Variants in HS6ST2 observed in about 807,000 individuals in gnomAD.
HS6ST2 encodes heparan-sulfate 6-O-sulfotransferase 2.
HS6ST2 carries 17 observed loss-of-function variants against 33.0 expected under a neutral mutation model. That is an observed-to-expected ratio of 0.52 (90% CI 0.35 to 0.77). The LOEUF (loss-of-function observed/expected upper bound fraction) is 0.77, where lower values mean the gene tolerates loss of function less well. Among genes scored for constraint, HS6ST2 ranks in the 30% least tolerant of loss-of-function variants. The pLI is 0.01. For missense variants in HS6ST2, 519 were observed against 551.7 expected (o/e 0.94, Z 0.59); for synonymous variants, 248 against 237.1 (o/e 1.05, Z -0.42).
intron 3 of HS6ST2, among the ~76,000 whole-genome samples, chrX:132,705,218 C>G (rs868641799): frequency 1.1e-5 from 1 of 88,467 alleles, no homozygotes; most frequent in East Asian, 3.6e-4. Context: ...TGTGTGTGTA[C>G]GTGTGGAAAA....
chrX:132,662,854 G>C (rs918655828), intron 4 of HS6ST2, among the ~76,000 whole-genome samples: 1 of 111,498 alleles, frequency 9.0e-6, no homozygotes, highest in Non-Finnish European at 1.9e-5. Context: ...TATGGTGCTG[G>C]GGCTTTTGCT....
intron 2 of HS6ST2, among the ~76,000 whole-genome samples, chrX:132,879,111 A>C (rs1166324939): frequency 8.9e-6 from 1 of 112,131 alleles, no homozygotes; most frequent in African/African-American, 3.2e-5. Context: ...ATGTTGAATT[A>C]GCAAGTTGGA....
intron 2 of HS6ST2, among the ~76,000 whole-genome samples, chrX:132,729,056 C>G (rs1416421490): frequency 8.9e-6 from 1 of 112,122 alleles, no homozygotes; most frequent in Non-Finnish European, 1.9e-5. Context: ...AAGACTGTCA[C>G]TGTCAAGATG....
intron 4 of HS6ST2, among the ~76,000 whole-genome samples, chrX:132,637,924 A>ATTATTT (rs758351267): frequency 3.3e-5 from 2 of 60,490 alleles, no homozygotes; most frequent in African/African-American, 1.4e-4. Flanking sequence ...TATTTTATAT[A>ATTATTT]TATATTATAT....
At chrX:132,729,701 A>T (rs1341474114) in intron 2 of HS6ST2, among the ~76,000 whole-genome samples, 1 of 111,971 alleles carries the variant, frequency 8.9e-6, no homozygotes, top group Non-Finnish European at 1.9e-5. Context: ...TTTTAATAAA[A>T]ATATGTTAAT....
At chrX:132,880,924 G>C (rs962681932) in intron 2 of HS6ST2, among the ~76,000 whole-genome samples, 2 of 109,520 alleles carry the variant, frequency 1.8e-5, no homozygotes, top group African/African-American at 6.6e-5. Context: ...ATGGTTTCCA[G>C]CTTCATCCAT....
At chrX:132,920,364 C>T (rs188320909) in intron 2 of HS6ST2, among the ~76,000 whole-genome samples, 164 of 110,715 alleles carry the variant, frequency 1.5e-3, no homozygotes, top group African/African-American at 5.1e-3. Flanking sequence ...ACAGTATCAT[C>T]GATGCTTACA....
chrX:132,838,416 C>T (rs969834924), intron 2 of HS6ST2, among the ~76,000 whole-genome samples: 20 of 111,673 alleles, frequency 1.8e-4, no homozygotes, highest in African/African-American at 5.9e-4. Context: ...GTGAAGGGAG[C>T]TATGAGATCT....
At chrX:132,750,024 C>T (rs931713422) in intron 2 of HS6ST2, among the ~76,000 whole-genome samples, 1 of 110,333 alleles carries the variant, frequency 9.1e-6, no homozygotes, top group Non-Finnish European at 1.9e-5. Flanking sequence ...CAGTGTGTTT[C>T]AGAAACAAAG....
chrX:132,708,918 G>C (rs1279968767), intron 2 of HS6ST2, among the ~76,000 whole-genome samples: 1 of 112,479 alleles, frequency 8.9e-6, no homozygotes, highest in Non-Finnish European at 1.9e-5. Flanking sequence ...AATTGGCAGG[G>C]ATTTTTCATA....
At chrX:132,763,038 T>G (rs779059300) in intron 2 of HS6ST2, among the ~76,000 whole-genome samples, 2 of 111,927 alleles carry the variant, frequency 1.8e-5, no homozygotes, top group East Asian at 5.6e-4. Flanking sequence ...AAGATTAAAT[T>G]AAAATTATGT....
At chrX:132,931,229 A>C (rs1343095086) in intron 2 of HS6ST2, among the ~76,000 whole-genome samples, 1 of 111,540 alleles carries the variant, frequency 9.0e-6, no homozygotes, top group Non-Finnish European at 1.9e-5. Flanking sequence ...GTGTGGACAA[A>C]AAGAGGAGAT....
At chrX:132,846,773 A>G (rs1194165583) in intron 2 of HS6ST2, among the ~76,000 whole-genome samples, 1 of 110,645 alleles carries the variant, frequency 9.0e-6, no homozygotes, top group Non-Finnish European at 1.9e-5. Context: ...GTGCTTGGCT[A>G]AACTCTCTCT....
At chrX:132,909,110 A>G (rs781200428) in intron 2 of HS6ST2, among the ~76,000 whole-genome samples, 1 of 110,611 alleles carries the variant, frequency 9.0e-6, no homozygotes, top group African/African-American at 3.3e-5. Flanking sequence ...CCAGGCTGTC[A>G]TTTCTGATTA....
At chrX:132,716,429 C>T (rs1323172678) in intron 2 of HS6ST2, among the ~76,000 whole-genome samples, 2 of 111,868 alleles carry the variant, frequency 1.8e-5, no homozygotes, top group East Asian at 5.6e-4. Flanking sequence ...AATTGAAGGC[C>T]ATAAAATAAA....
intron 4 of HS6ST2, among the ~76,000 whole-genome samples, chrX:132,663,066 A>G (rs2063785246): frequency 1.8e-5 from 2 of 112,045 alleles, no homozygotes; most frequent in South Asian, 7.5e-4. Flanking sequence ...ATGACATTTA[A>G]TCCTCACCAA....
At chrX:132,908,108 G>C in intron 2 of HS6ST2, among the ~76,000 whole-genome samples, 1 of 112,056 alleles carries the variant, frequency 8.9e-6, no homozygotes, top group South Asian at 3.7e-4. Context: ...CAAAGAATCT[G>C]AATAGATATT....
chrX:132,791,268 T>C (rs1358034928), intron 2 of HS6ST2, among the ~76,000 whole-genome samples: 1 of 112,417 alleles, frequency 8.9e-6, no homozygotes, highest in Admixed American at 9.5e-5. Flanking sequence ...GGAACCACCC[T>C]CAGAAAACTT....
At chrX:132,835,122 C>G (rs926597473) in intron 2 of HS6ST2, among the ~76,000 whole-genome samples, 1 of 111,960 alleles carries the variant, frequency 8.9e-6, no homozygotes, top group African/African-American at 3.2e-5. Flanking sequence ...TTAGCCTGTT[C>G]CATGCTTGAA....
Sources: gnomAD v4.1 joint callset for allele counts (sites outside exome capture counted in the v4.1 genomes callset) on GRCh38, gnomAD v4.1.1 for gene constraint, MANE v1.5 for transcripts, NCBI Gene and HGNC (gene_info 2026-07-23, HGNC 2026-07-21) for gene names.